Variants in BNC2 observed in about 807,000 individuals in gnomAD.
The protein encoded by BNC2 is basonuclin zinc finger protein 2.
BNC2 carries 20 observed loss-of-function variants against 76.3 expected under a neutral mutation model. The ratio of observed to expected loss-of-function variants is 0.26; its 90% CI spans 0.18 to 0.38. The LOEUF (loss-of-function observed/expected upper bound fraction) is 0.38, where lower values mean the gene tolerates loss of function less well. Ranked by LOEUF, BNC2 falls within the 10% of genes least tolerant of loss-of-function variation. The probability of loss-of-function intolerance (pLI) is 1.00; values close to 1 mark genes in which losing one functional copy is unlikely to be tolerated. For synonymous variants in BNC2, 582 were observed against 514.8 expected (o/e 1.13, Z -1.77); for missense variants, 1,382 against 1,399.8 (o/e 0.99, Z 0.20).
At chr9:16,491,108 C>T (rs1368807202) in intron 5 of BNC2, among the ~76,000 whole-genome samples, 1 of 151,984 alleles carries the variant, frequency 6.6e-6, no homozygotes, top group African/African-American at 2.4e-5. Context: ...GAGACTGATA[C>T]CTGAAATGAG....
rs1004790518 is a variant in BNC2, at chr9:16,552,620, G to A, written c.579C>T (p.Leu193=). The change falls in exon 5 of 7, where the codon CTC becomes CTT. Residue 193 remains leucine, a synonymous_variant. Transcript: ENST00000380672. The stretch of plus-strand genomic sequence containing the variant: ...CCTCCTCTTGCTTCAGGACGCTGAA[G>A]AGACGGTCCAGCAGGATCTTTAGCC... ...PVRLKILLDR[L]FSVLKQEEVL... is the part of the protein sequence containing the mutation. 6 of 1,614,244 alleles carry A rather than the reference G, an allele frequency of 3.7e-6. No homozygotes were observed. Among genetic ancestry groups the A allele is most frequent in the Non-Finnish European group, 5.1e-6 (6 of 1,180,044 alleles).
chr9:16,665,490 GAGA>G (rs1261221555), intron 3 of BNC2, among the ~76,000 whole-genome samples: 1 of 137,840 alleles, frequency 7.3e-6, no homozygotes, highest in African/African-American at 2.9e-5. Flanking sequence ...AAGAAAGAAA[GAGA>G]GAGAGAGAAA....
At chr9:16,806,955 T>C (rs566668213) in intron 1 of BNC2, among the ~76,000 whole-genome samples, 2 of 152,342 alleles carry the variant, frequency 1.3e-5, no homozygotes, top group South Asian at 4.1e-4. Flanking sequence ...CTAGGCTTTA[T>C]AGTAGAGGTG....
rs780627587 is a variant in BNC2 at position 16,604,259 on chromosome 9, AAC to A, written c.331-21176_331-21175del. Among the ~76,000 whole-genome samples, 6 of 152,298 alleles carry A rather than the reference AAC, an allele frequency of 3.9e-5. No homozygotes were observed. In the East Asian group the frequency reaches 9.6e-4, roughly 24 times the overall value. On this transcript the variant is annotated intron_variant, in intron 3 of 6. Coordinates refer to ENST00000380672, the MANE Select transcript of BNC2 (RefSeq NM_017637.6). ...TCTCTGTAAGAGAGATTTTTTAAAA[AAC>A]ACTTTATAAAAGAGAAGCAATGCCC...
At chr9:16,517,906 T>C (rs1372966873) in intron 5 of BNC2, among the ~76,000 whole-genome samples, 1 of 152,122 alleles carries the variant, frequency 6.6e-6, no homozygotes, top group Non-Finnish European at 1.5e-5. Context: ...TTCAGATGTG[T>C]AAACCAATCC....
intron 6 of BNC2, among the ~76,000 whole-genome samples, chr9:16,424,208 A>C (rs1167138366): frequency 6.6e-6 from 1 of 152,050 alleles, no homozygotes; most frequent in Admixed American, 6.6e-5. Context: ...AACACTATCT[A>C]AAGAAAGTGT....
rs569684682 is a variant in BNC2, at chr9:16,795,627, C to T, written c.4-57142G>A. ...CATTCCCAGGCTGATCCCAGGCTCA[C>T]ACACACTGCTCCAGAGAGGATATCA... On this transcript the variant is annotated intron_variant, in intron 1 of 6. Coordinates refer to ENST00000380672, the MANE Select transcript of BNC2 (RefSeq NM_017637.6). Among the ~76,000 whole-genome samples the T allele has an allele frequency of 2.3e-4, 35 of 152,232 alleles. 1 individual carries two copies. Among genetic ancestry groups the T allele is most frequent in the African/African-American group, 8.4e-4 (35 of 41,546 alleles).
intron 1 of BNC2, among the ~76,000 whole-genome samples, chr9:16,860,511 C>T (rs1281028109): frequency 6.6e-6 from 1 of 152,130 alleles, no homozygotes; most frequent in South Asian, 2.1e-4. Flanking sequence ...GTACCCCTAC[C>T]TCATACTATT....
intron 3 of BNC2, chr9:16,625,671 C>T (rs1820974381): frequency 6.6e-6 from 1 of 152,178 alleles, no homozygotes; most frequent in Non-Finnish European, 1.5e-5. Flanking sequence ...GCATCACTAA[C>T]TCTCTAGATA....
At chr9:16,736,197 GCACTC>G (rs1249218105) in intron 2 of BNC2, among the ~76,000 whole-genome samples, 2 of 148,724 alleles carry the variant, frequency 1.3e-5, no homozygotes, top group African/African-American at 5.0e-5. Context: ...TCGCGCCACT[GCACTC>G]CACTCTGTTT....
intron 4 of BNC2, among the ~76,000 whole-genome samples, chr9:16,559,654 A>G (rs1818951467): frequency 6.6e-6 from 1 of 152,190 alleles, no homozygotes; most frequent in Non-Finnish European, 1.5e-5. Context: ...TGAAGCAAGC[A>G]TTTCAAAGGT....
intron 1 of BNC2, among the ~76,000 whole-genome samples, chr9:16,768,881 G>A (rs1452224020): frequency 3.3e-5 from 5 of 152,146 alleles, no homozygotes; most frequent in Admixed American, 1.3e-4. Flanking sequence ...GTTCAGAAAC[G>A]AGAGAAAGAC....
intron 5 of BNC2, among the ~76,000 whole-genome samples, chr9:16,484,600 CAG>C (rs1822122949): frequency 6.6e-6 from 1 of 152,158 alleles, no homozygotes; most frequent in Admixed American, 6.5e-5. Context: ...GCGTTAAAAA[CAG>C]AGCTGGCTGG....
intron 5 of BNC2, among the ~76,000 whole-genome samples, chr9:16,514,777 G>A (rs1166903938): frequency 6.6e-6 from 1 of 152,160 alleles, no homozygotes; most frequent in African/African-American, 2.4e-5. Context: ...GATGATGACA[G>A]AATTGAAAAA....
intron 5 of BNC2, among the ~76,000 whole-genome samples, chr9:16,539,810 A>G (rs1818261655): frequency 6.8e-6 from 1 of 147,676 alleles, no homozygotes; most frequent in African/African-American, 2.5e-5. Flanking sequence ...AAAGGAAAGG[A>G]AAGGAAAGGA....
At chr9:16,476,881 C>T (rs1400153585) in intron 5 of BNC2, among the ~76,000 whole-genome samples, 1 of 152,002 alleles carries the variant, frequency 6.6e-6, no homozygotes, top group East Asian at 1.9e-4. Flanking sequence ...TTGAAATGTA[C>T]AAAAATTGTC....
At chr9:16,662,600 G>C (rs1587287424) in intron 3 of BNC2, among the ~76,000 whole-genome samples, 1 of 152,282 alleles carries the variant, frequency 6.6e-6, no homozygotes, top group East Asian at 1.9e-4. Context: ...GCTGAACATG[G>C]TGGTGCATGC....
rs181807888 is a variant in BNC2 at position 16,664,995 on chromosome 9, G to A, written c.330+62802C>T. 219 of 453,616 alleles carry A rather than the reference G, an allele frequency of 4.8e-4. 1 individual carries two copies. The highest frequency in any genetic ancestry group is 1.5e-3 in the Admixed American group (63 of 42,132). The allele number at this position is 453,616 out of a possible 1,614,324, so 28.1% of individuals were successfully genotyped here. On this transcript the variant is annotated intron_variant, in intron 3 of 6. Transcript: ENST00000380672. ...CACAATGCTTCATGGCAGAAGCAGG[G>A]AAGTGCCTTAGATATCACAGCAACT...
At chr9:16,797,559 T>C (rs559250257) in intron 1 of BNC2, among the ~76,000 whole-genome samples, 2 of 152,284 alleles carry the variant, frequency 1.3e-5, no homozygotes, top group South Asian at 2.1e-4. Flanking sequence ...CTCTTAAGGA[T>C]GACACAATAT....
Sources: allele counts gnomAD v4.1 joint callset (sites outside exome capture counted in the v4.1 genomes callset), GRCh38; gene constraint gnomAD v4.1.1; transcripts MANE v1.5; gene names NCBI Gene and HGNC (gene_info 2026-07-23, HGNC 2026-07-21).